Variants in NLRP1 observed in about 807,000 individuals in gnomAD.
NLRP1 encodes the protein NLR family pyrin domain containing 1.
A neutral mutation model predicts 136.7 loss-of-function variants in NLRP1; 94 were observed. That is an observed-to-expected ratio of 0.69 (90% CI 0.58 to 0.82). The LOEUF is 0.82. NLRP1 is among the 40% of genes least tolerant of loss of function. The pLI, the probability that NLRP1 is intolerant of heterozygous loss-of-function variation, is 0.00. For synonymous variants in NLRP1, 690 were observed against 725.1 expected, an observed-to-expected ratio of 0.95 and a Z score of 0.78; for missense variants, 1,575 against 1,802.7, an observed-to-expected ratio of 0.87 and a Z score of 2.29.
In NLRP1 at chr17:5,553,321, A is replaced by G; in HGVS notation, c.2528+65T>C. 4 of 1,432,150 alleles carry G rather than the reference A, an allele frequency of 2.8e-6. No individual in the cohort carries two copies. The East Asian group carries it at 9.5e-5, about 34-fold the overall frequency. The allele number at this position is 1,432,150 out of a possible 1,614,324, so 88.7% of individuals were successfully genotyped here. On this transcript the variant is annotated intron_variant, in intron 5 of 16. Transcript: ENST00000572272. ...TACAAAGACAAATCCCTCAGCCCAG[A>G]CTCAGCTTCTGCCTTGGATCTCTTC...
intron 3 of NLRP1, among the ~76,000 whole-genome samples, chr17:5,572,344 T>C (rs557608605): frequency 6.6e-6 from 1 of 152,288 alleles, no homozygotes; most frequent in East Asian, 1.9e-4. Flanking sequence ...ATTTGCAAAC[T>C]ACCCATCTGA....
intron 5 of NLRP1, 54 bp from the exon 6 acceptor site, chr17:5,542,081 G>A (rs991109994): frequency 2.7e-5 from 42 of 1,552,098 alleles, no homozygotes; most frequent in Non-Finnish European, 3.7e-5. Context: ...TGATTCAACA[G>A]ACACCCATAA....
intron 12 of NLRP1, among the ~76,000 whole-genome samples, chr17:5,528,598 G>C (rs1366976457): frequency 6.6e-6 from 1 of 152,162 alleles, no homozygotes. Flanking sequence ...TCTGGGTACT[G>C]AGCAGTTCCC....
chr17:5,535,219 C>CAA (rs961680088), intron 8 of NLRP1, among the ~76,000 whole-genome samples: 9 of 127,184 alleles, frequency 7.1e-5, no homozygotes, highest in South Asian at 2.4e-4. Flanking sequence ...GACTCTGTCT[C>CAA]AAAAAAAAAA....
Position 5,521,762 on chromosome 17 carries a change from A to T in NLRP1, c.3545T>A (p.Phe1182Tyr), listed in dbSNP as rs1395335732. ...LQGGHVDTSL[F>Y]QMAHFKEEGM... ...CTCCTCTTTAAAGTGGGCCATTTGG[A>T]ACAGGGATGTGTCCACATGGCCCCC... Residue 1182 changes from phenylalanine (F) to tyrosine (Y), a missense_variant, in exon 13 of 17, where the codon TTC (phenylalanine) becomes TAC (tyrosine). Physicochemically the swap from Phe to Tyr is conservative, Grantham distance 22. Coordinates refer to ENST00000572272, the MANE Select transcript of NLRP1 (RefSeq NM_033004.4). 2 of 1,610,480 alleles carry T rather than the reference A, an allele frequency of 1.2e-6. No individual in the cohort carries two copies. The highest frequency in any genetic ancestry group is 2.1e-4 in the Middle Eastern group (1 of 4,758).
At position 5,504,671 on chromosome 17, in the gene NLRP1, G is replaced by C. The variant is rs867171633; in HGVS notation, c.4070-2799C>G. Reference sequence around the variant, plus strand: ...AATAGAATAGAATAAAACACTGACTGCTGGGGTTCTAACCCACATCTCTCT... The same window carrying C: ...AATAGAATAGAATAAAACACTGACTCCTGGGGTTCTAACCCACATCTCTCT... On this transcript the variant is annotated intron_variant, in intron 15 of 15. Transcript: ENST00000262467. The surrounding 1 kb of genome is among the most constrained non-coding windows in gnomAD (Gnocchi z 4.4). The C allele has an allele frequency of 7.1e-5, 10 of 140,486 alleles. No homozygotes were observed. The highest frequency in any genetic ancestry group is 2.7e-4 in the African/African-American group (10 of 36,600). The allele number at this position is 140,486 out of a possible 1,614,324, so 8.7% of individuals were successfully genotyped here.
intron 3 of NLRP1, among the ~76,000 whole-genome samples, chr17:5,564,100 G>C (rs1915060160): frequency 6.6e-6 from 1 of 151,974 alleles, no homozygotes; most frequent in Admixed American, 6.6e-5. Flanking sequence ...GTATTTATGG[G>C]GATCCATGAG....
chr17:5,572,187 T>C (rs930241501), intron 3 of NLRP1, among the ~76,000 whole-genome samples: 1 of 152,152 alleles, frequency 6.6e-6, no homozygotes, highest in Non-Finnish European at 1.5e-5. Context: ...ACATAGGTCC[T>C]GGCAAAAATT....
At chr17:5,532,437 T>G (rs555049344) in intron 11 of NLRP1, among the ~76,000 whole-genome samples, 16 of 152,166 alleles carry the variant, frequency 1.1e-4, no homozygotes, top group African/African-American at 3.9e-4. Context: ...TTTTTTGAGA[T>G]GCGTAATGAA....
chr17:5,579,743 G>A (rs994766472), intron 3 of NLRP1, among the ~76,000 whole-genome samples: 1 of 152,180 alleles, frequency 6.6e-6, no homozygotes, highest in Non-Finnish European at 1.5e-5. Flanking sequence ...CCATAAAAAT[G>A]AATGAGGTCA....
rs1325895294 is a variant in NLRP1 at position 5,537,027 on chromosome 17, C to T, written c.2871-87G>A. The stretch of plus-strand genomic sequence containing the variant: ...GGCCCAGAATCCTGGGACCTGTCAC[C>T]TTCTGAGGCAGCGGCCGCAGGGTGG... On this transcript the variant is annotated intron_variant, in intron 7 of 16. Transcript: ENST00000572272. The surrounding 1 kb of genome is among the most constrained non-coding windows in gnomAD (Gnocchi z 4.5). The T allele has an allele frequency of 3.2e-6, 3 of 931,926 alleles. No homozygotes were observed. The highest frequency in any genetic ancestry group is 1.6e-5 in the African/African-American group (1 of 61,450). The allele number at this position is 931,926 out of a possible 1,614,324, so 57.7% of individuals were successfully genotyped here. A position where few individuals can be genotyped will look rare whatever the true frequency, so the allele number is the denominator to read the frequency against.
intron 11 of NLRP1, among the ~76,000 whole-genome samples, chr17:5,531,820 C>T (rs1910309555): frequency 6.6e-6 from 1 of 152,184 alleles, no homozygotes; most frequent in Non-Finnish European, 1.5e-5. Context: ...TCCCCAGCTA[C>T]TAGTACAGTC....
At chr17:5,508,998 A>G (rs1031015594) in intron 15 of NLRP1, among the ~76,000 whole-genome samples, 15 of 152,222 alleles carry the variant, frequency 9.9e-5, no homozygotes, top group African/African-American at 3.6e-4. Flanking sequence ...ATACTCTGTG[A>G]TGGTCTGATT....
At chr17:5,565,868 G>T (rs113766195) in intron 3 of NLRP1, among the ~76,000 whole-genome samples, 3,642 of 152,086 alleles carry the variant, frequency 0.024, 155 homozygotes, top group African/African-American at 0.084. Flanking sequence ...CTTGTTATTG[G>T]TCTGTTTAGG....
At chr17:5,574,077 G>T (rs1352423884) in intron 3 of NLRP1, among the ~76,000 whole-genome samples, 1 of 152,144 alleles carries the variant, frequency 6.6e-6, no homozygotes, top group Non-Finnish European at 1.5e-5. Flanking sequence ...TAGACAAATG[G>T]CTAACTAAAA....
chr17:5,542,620 T>C (rs1440051249), intron 5 of NLRP1, among the ~76,000 whole-genome samples: 1 of 152,142 alleles, frequency 6.6e-6, no homozygotes, highest in East Asian at 1.9e-4. Context: ...CTATAGCTCA[T>C]GTCACTCACA....
Position 5,581,840 on chromosome 17 carries a change from G to A in NLRP1, c.652+19C>T. ...CTCTCCCACCTCACCACCCCGCCAG[G>A]AGCTCAGTAGGGTCTCACCTGTGTA... On this transcript the variant is annotated intron_variant, in intron 3 of 16. Coordinates refer to ENST00000572272, the MANE Select transcript of NLRP1 (RefSeq NM_033004.4). 6.2e-7 allele frequency: 1 copy of A among 1,603,528 alleles called. No homozygotes were observed. The highest frequency in any genetic ancestry group is 2.2e-5 in the East Asian group (1 of 44,810).
intron 4 of NLRP1, among the ~76,000 whole-genome samples, chr17:5,557,935 C>G (rs1394732955): frequency 6.6e-6 from 1 of 152,064 alleles, no homozygotes; most frequent in Non-Finnish European, 1.5e-5. Flanking sequence ...GCTGGAGGAG[C>G]AATTTCTCCG....
chr17:5,542,487 T>A (rs183144493), intron 5 of NLRP1, among the ~76,000 whole-genome samples: 401 of 152,200 alleles, frequency 2.6e-3, no homozygotes, highest in Middle Eastern at 6.8e-3. Flanking sequence ...CATGGGGTGC[T>A]CCTCCACTTG....
Sources: allele counts gnomAD v4.1 joint callset (sites outside exome capture counted in the v4.1 genomes callset), GRCh38; gene constraint gnomAD v4.1.1; non-coding constraint Gnocchi (gnomAD v3.1); transcripts MANE v1.5; gene names NCBI Gene and HGNC (gene_info 2026-07-23, HGNC 2026-07-21).